LRRC61: variants seen among roughly 807,000 people sequenced by gnomAD.
LRRC61 encodes leucine rich repeat containing 61.
In LRRC61, 9 loss-of-function variants were observed where a neutral mutation model predicts 15.1. The ratio of observed to expected loss-of-function variants is 0.60; its 90% CI spans 0.36 to 1.04. The LOEUF (loss-of-function observed/expected upper bound fraction) is 1.04, where lower values mean the gene tolerates loss of function less well. Among genes scored for constraint, LRRC61 ranks in the 50% least tolerant of loss-of-function variants. LRRC61 has a pLI of 0.01. For synonymous variants in LRRC61, 173 were observed against 158.6 expected, an observed-to-expected ratio of 1.09 and a Z score of -0.68; for missense variants, 344 against 335.6, an observed-to-expected ratio of 1.03 and a Z score of -0.20.
At chr7:150,323,206 A>G (rs998920), upstream of LRRC61, 198,151 of 227,882 alleles carry the variant, frequency 0.87, 86,891 homozygotes, top group East Asian at 1. Flanking sequence ...GCACTCAGGC[A>G]CCGCAGGTAG....
chr7:150,330,655 A>G lies in LRRC61; in HGVS notation c.-145+4645A>G, dbSNP rs771128702. The G allele has an allele frequency of 9.4e-7, 1 of 1,059,062 alleles. No individual in the cohort carries two copies. The highest frequency in any genetic ancestry group is 1.5e-6 in the Non-Finnish European group (1 of 672,786). The allele number at this position is 1,059,062 out of a possible 1,614,324, so 65.6% of individuals were successfully genotyped here. A position where few individuals can be genotyped will look rare whatever the true frequency, so the allele number is the denominator to read the frequency against. On this transcript the variant is annotated intron_variant, in intron 2 of 2. Coordinates refer to ENST00000359623, the MANE Select transcript of LRRC61 (RefSeq NM_001142928.2). This position sits in a 1 kb window ranked among gnomAD's most constrained non-coding sequence, Gnocchi z 4.6. ...TTGCTGGACCCTTGCTTCAAGGGGA[A>G]GATTGAGGCCATCCTGCCATGGGGG... is the stretch of plus-strand genomic sequence containing the variant.
intron 2 of LRRC61, among the ~76,000 whole-genome samples, chr7:150,327,046 C>G (rs1430012739): frequency 2.0e-5 from 3 of 152,172 alleles, no homozygotes; most frequent in Admixed American, 1.3e-4. Context: ...TCTTAGCCAT[C>G]TCGTCACCTG....
intron 1 of LRRC61, among the ~76,000 whole-genome samples, chr7:150,325,081 G>A (rs1563222671): frequency 6.6e-6 from 1 of 152,178 alleles, no homozygotes. Context: ...AAACTTGCCT[G>A]AAGATTTGCC....
rs746808505 is a variant in LRRC61, at chr7:150,336,907, A to G, written c.46A>G (p.Ile16Val). ...EKPGEAGGLQ[I>V]TPQLLKSRTG... ...GCCGGGAGAGGCTGGCGGACTGCAG[A>G]TCACACCCCAGCTGCTGAAGTCACG... is the stretch of plus-strand genomic sequence containing the variant. The change falls in exon 3 of 3, where the codon ATC becomes GTC. Residue 16 changes from isoleucine to valine, a missense_variant. Ile to Val is a conservative substitution (Grantham distance 29). Transcript: ENST00000359623. 3.7e-6 allele frequency: 6 copies of G among 1,612,642 alleles called. No individual in the cohort carries two copies. Among genetic ancestry groups the G allele is most frequent in the Non-Finnish European group, 3.4e-6 (4 of 1,179,604 alleles).
intron 2 of LRRC61, chr7:150,331,112 C>A (rs1252752033): frequency 6.2e-7 from 1 of 1,607,632 alleles, no homozygotes; most frequent in East Asian, 2.2e-5. Context: ...GGAGCCTTCT[C>A]TGAAAGCATC....
chr7:150,337,892 T>C lies in LRRC61; in HGVS notation c.*251T>C, dbSNP rs940220945. The C allele has an allele frequency of 1.8e-6, 1 of 560,942 alleles. No homozygotes were observed. Among genetic ancestry groups the C allele is most frequent in the Non-Finnish European group, 3.2e-6 (1 of 313,890 alleles). The allele number at this position is 560,942 out of a possible 1,614,324, so 34.7% of individuals were successfully genotyped here. Reference sequence around the variant, plus strand: ...CCTGTGTCCGCAGCTGCTGCCACTCTGGGCTGCTCCAGCCTGCAACTTAGT... The same window carrying C: ...CCTGTGTCCGCAGCTGCTGCCACTCCGGGCTGCTCCAGCCTGCAACTTAGT... On this transcript the variant is annotated 3_prime_UTR_variant, in exon 3 of 3. Coordinates refer to ENST00000359623, the MANE Select transcript of LRRC61 (RefSeq NM_001142928.2).
chr7:150,312,320 T>C, the LRRC61 span, among the ~76,000 whole-genome samples: 1 of 152,216 alleles, frequency 6.6e-6, no homozygotes, highest in African/African-American at 2.4e-5. Context: ...ATTTTACTTA[T>C]TATCTCTCCT....
intron 2 of LRRC61, among the ~76,000 whole-genome samples, chr7:150,328,951 C>A (rs1798025534): frequency 1.3e-5 from 2 of 152,166 alleles, no homozygotes; most frequent in Non-Finnish European, 2.9e-5. Context: ...GATTAGGAAA[C>A]CCTCACCTAA....
the LRRC61 span, among the ~76,000 whole-genome samples, chr7:150,314,210 C>G: frequency 0.023 from 3,577 of 152,308 alleles, 78 homozygotes; most frequent in Non-Finnish European, 0.036. Flanking sequence ...CCGAAGGGAT[C>G]TGGGATCAGT....
At position 150,330,469 on chromosome 7, in the gene LRRC61, A is replaced by G; in HGVS notation, c.-145+4459A>G. 1.3e-6 allele frequency: 1 copy of G among 779,658 alleles called. No homozygotes were observed. 48.3% of individuals were successfully genotyped at this position (779,658 alleles called of 1,614,324 possible). Reference sequence around the variant, plus strand: ...AGCCAGGTGCTGCCCCAGCTGCGCTACCTGCACATCTTCCTGGAGCAGGTT... The same window carrying G: ...AGCCAGGTGCTGCCCCAGCTGCGCTGCCTGCACATCTTCCTGGAGCAGGTT... On this transcript the variant is annotated intron_variant, in intron 2 of 2. Coordinates refer to ENST00000359623, the MANE Select transcript of LRRC61 (RefSeq NM_001142928.2). The surrounding 1 kb of genome is among the most constrained non-coding windows in gnomAD (Gnocchi z 4.6).
At chr7:150,326,218 C>T (rs1014926334) in intron 2 of LRRC61, among the ~76,000 whole-genome samples, 6 of 152,212 alleles carry the variant, frequency 3.9e-5, no homozygotes, top group African/African-American at 1.4e-4. Flanking sequence ...CTCCTCTGTT[C>T]ATATCTTGAA....
chr7:150,319,078 C>T (rs1045435148), upstream of LRRC61, among the ~76,000 whole-genome samples: 1 of 152,234 alleles, frequency 6.6e-6, no homozygotes, highest in African/African-American at 2.4e-5. Flanking sequence ...CAGTCTATTA[C>T]TGAGCAAGTC....
chr7:150,324,953 T>C (rs1445760175), intron 1 of LRRC61, among the ~76,000 whole-genome samples: 1 of 152,212 alleles, frequency 6.6e-6, no homozygotes, highest in Admixed American at 6.5e-5. Context: ...CTTTGGTTTT[T>C]CCTTGTCTCT....
At position 150,337,409 on chromosome 7, in the gene LRRC61, T is replaced by C. The variant is rs1798340145; in HGVS notation, c.548T>C (p.Leu183Ser). Reference sequence around the variant, plus strand: ...CTGTGCCGAGACCTGGACAGCTCCTTGCGTCCCAGCTCCAGTCCAGGCCCC... The same window carrying C: ...CTGTGCCGAGACCTGGACAGCTCCTCGCGTCCCAGCTCCAGTCCAGGCCCC... The part of the protein sequence containing the change: ...YQLCRDLDSS[L>S]RPSSSPGPRA... The change falls in exon 3 of 3, where the codon TTG becomes TCG. Residue 183 changes from leucine to serine, a missense_variant. By Grantham distance (145) the Leu-to-Ser change is moderately radical. Transcript: ENST00000359623. 2 of 1,605,618 alleles carry C rather than the reference T, an allele frequency of 1.2e-6. No homozygotes were observed. Among genetic ancestry groups the C allele is most frequent in the Admixed American group, 3.3e-5 (2 of 60,024 alleles).
In LRRC61 at chr7:150,336,729, C is replaced by G; in HGVS notation, c.-133C>G. 4.0e-6 allele frequency: 5 copies of G among 1,258,356 alleles called. No homozygotes were observed. 77.9% of individuals were successfully genotyped at this position (1,258,356 alleles called of 1,614,324 possible). A position where few individuals can be genotyped will look rare whatever the true frequency, so the allele number is the denominator to read the frequency against. On this transcript the variant is annotated 5_prime_UTR_variant, in exon 3 of 3. Coordinates refer to ENST00000359623, the MANE Select transcript of LRRC61 (RefSeq NM_001142928.2). ...CTGTCTCTCCTCAGGGACTGGCTGG[C>G]TTCGAGCAGGGCATCGGAACCAGGC...
rs1286118550 is a variant in LRRC61 at position 150,337,049 on chromosome 7, A to G, written c.188A>G (p.Asn63Ser). The G allele has an allele frequency of 1.9e-6, 3 of 1,613,262 alleles. No homozygotes were observed. The highest frequency in any genetic ancestry group is 1.3e-5 in the African/African-American group (1 of 74,944). ...LGLEWLDLSG[N>S]ALTHLGPLAS... ...CTGGAGTGGCTGGACCTATCAGGCAACGCGCTCACCCACCTGGGCCCGCTG... is the reference window on the plus strand; with the variant it reads ...CTGGAGTGGCTGGACCTATCAGGCAGCGCGCTCACCCACCTGGGCCCGCTG... Residue 63 changes from asparagine to serine, a missense_variant, in exon 3 of 3, where the codon AAC becomes AGC. Transcript: ENST00000359623.
chr7:150,334,821 C>G (rs571731249), intron 2 of LRRC61, among the ~76,000 whole-genome samples: 2 of 152,278 alleles, frequency 1.3e-5, no homozygotes, highest in Admixed American at 1.3e-4. Context: ...GAGTTTGAGA[C>G]CAGCCTGGCC....
chr7:150,322,718 T>G (rs1473431388), upstream of LRRC61: 1 of 152,270 alleles, frequency 6.6e-6, no homozygotes, highest in African/African-American at 2.4e-5. Flanking sequence ...ACTTCTTTGC[T>G]TTCTTAATAA....
chr7:150,320,977 T>G (rs1797452739), upstream of LRRC61, among the ~76,000 whole-genome samples: 1 of 152,200 alleles, frequency 6.6e-6, no homozygotes, highest in Non-Finnish European at 1.5e-5. Flanking sequence ...ACTCTTTGAC[T>G]AAACTTGAGT....
Sources: gnomAD v4.1 joint callset for allele counts (sites outside exome capture counted in the v4.1 genomes callset) on GRCh38, gnomAD v4.1.1 for gene constraint, Gnocchi (gnomAD v3.1) non-coding constraint, MANE v1.5 for transcripts, NCBI Gene and HGNC (gene_info 2026-07-23, HGNC 2026-07-21) for gene names.